The following CDH4 variants were observed in gnomAD, a reference collection of about 807,000 sequenced individuals.
CDH4 encodes the protein cadherin 4.
CDH4 carries 33 observed loss-of-function variants against 86.0 expected under a neutral mutation model. The observed-to-expected ratio is 0.38, with a 90% CI of 0.29 to 0.51. The LOEUF (loss-of-function observed/expected upper bound fraction) is 0.51. CDH4 is among the 20% of genes least tolerant of loss of function. The pLI, the probability that CDH4 is intolerant of heterozygous loss-of-function variation, is 0.86. For missense variants in CDH4, 1,114 were observed against 1,307.4 expected (o/e 0.85, Z 2.28); for synonymous variants, 555 against 549.4 (o/e 1.01, Z -0.14).
chr20:61,930,528 T>C (rs2055094220), intron 13 of CDH4, among the ~76,000 whole-genome samples: 1 of 152,062 alleles, frequency 6.6e-6, no homozygotes, highest in Non-Finnish European at 1.5e-5. Context: ...AGGGTTGGGC[T>C]ACCACCTCCC....
At chr20:61,423,223 C>T (rs2085190010) in intron 2 of CDH4, among the ~76,000 whole-genome samples, 1 of 152,144 alleles carries the variant, frequency 6.6e-6, no homozygotes, top group South Asian at 2.1e-4. Context: ...TCAGTGATGA[C>T]CTGCAAGTGA....
At chr20:61,451,557 C>T (rs896345746) in intron 2 of CDH4, among the ~76,000 whole-genome samples, 16 of 152,324 alleles carry the variant, frequency 1.1e-4, no homozygotes, top group African/African-American at 3.8e-4. Flanking sequence ...CCTCTTCTAC[C>T]TTCCAAGTAG....
chr20:61,695,127 C>T (rs2087702786), intron 2 of CDH4, among the ~76,000 whole-genome samples: 1 of 152,194 alleles, frequency 6.6e-6, no homozygotes, highest in Non-Finnish European at 1.5e-5. Flanking sequence ...GCTTTGAAGC[C>T]GTGCCTCCAG....
chr20:61,693,469 C>T (rs142163646), intron 2 of CDH4, among the ~76,000 whole-genome samples: 3 of 152,216 alleles, frequency 2.0e-5, no homozygotes, highest in Non-Finnish European at 2.9e-5. Context: ...CAGATGACCA[C>T]GTGTGGGCTT....
intron 2 of CDH4, among the ~76,000 whole-genome samples, chr20:61,358,548 C>T (rs2084766160): frequency 6.6e-6 from 1 of 152,208 alleles, no homozygotes; most frequent in Admixed American, 6.5e-5. Flanking sequence ...TAAATGAGGA[C>T]AATTTAAATA....
chr20:61,537,984 C>G (rs1600739018), intron 2 of CDH4, among the ~76,000 whole-genome samples: 1 of 152,326 alleles, frequency 6.6e-6, no homozygotes, highest in Non-Finnish European at 1.5e-5. Flanking sequence ...GGCCACATTG[C>G]TATGAAGACC....
chr20:61,860,388 G>A (rs1983266036), intron 6 of CDH4, among the ~76,000 whole-genome samples: 1 of 152,240 alleles, frequency 6.6e-6, no homozygotes, highest in African/African-American at 2.4e-5. Context: ...ATGCATATTT[G>A]TGAATGATCA....
At chr20:61,355,153 C>T (rs1479466113) in intron 2 of CDH4, among the ~76,000 whole-genome samples, 2 of 152,100 alleles carry the variant, frequency 1.3e-5, no homozygotes, top group Admixed American at 6.5e-5. Flanking sequence ...AGCAAAGACC[C>T]CTAAATCCTT....
At chr20:61,686,935 A>C (rs1600874179) in intron 2 of CDH4, among the ~76,000 whole-genome samples, 1 of 151,290 alleles carries the variant, frequency 6.6e-6, no homozygotes, top group African/African-American at 2.4e-5. Context: ...CTCCAAACCA[A>C]CCCCCGCCCC....
intron 2 of CDH4, among the ~76,000 whole-genome samples, chr20:61,675,823 G>A (rs1290176120): frequency 1.3e-5 from 2 of 151,636 alleles, no homozygotes; most frequent in Non-Finnish European, 2.9e-5. Context: ...AACAACCATC[G>A]CAGGGGCTGA....
chr20:61,618,797 G>T (rs2145770478), intron 2 of CDH4, among the ~76,000 whole-genome samples: 1 of 152,350 alleles, frequency 6.6e-6, no homozygotes, highest in Admixed American at 6.5e-5. Flanking sequence ...GAGGACTGAG[G>T]TTTCTATGGC....
intron 3 of CDH4, among the ~76,000 whole-genome samples, chr20:61,759,810 C>T (rs2088610710): frequency 6.6e-6 from 1 of 152,204 alleles, no homozygotes; most frequent in South Asian, 2.1e-4. Flanking sequence ...GTTGTCACCA[C>T]AGTGGGGTTG....
At chr20:61,363,025 T>C (rs2084792882) in intron 2 of CDH4, among the ~76,000 whole-genome samples, 1 of 152,206 alleles carries the variant, frequency 6.6e-6, no homozygotes, top group African/African-American at 2.4e-5. Context: ...CTCTGGACTC[T>C]GGGGTTCCCA....
chr20:61,795,826 CATGAGTGAATGAATGA>C (rs1555839795), intron 4 of CDH4, among the ~76,000 whole-genome samples: 3 of 30,698 alleles, frequency 9.8e-5, no homozygotes, highest in African/African-American at 3.9e-4. Flanking sequence ...AGCAATGTTG[CATGAGTGAATGAATGA>C]ATGAGTGAAT....
At chr20:61,721,560 A>G (rs1032125141) in intron 2 of CDH4, among the ~76,000 whole-genome samples, 2 of 152,234 alleles carry the variant, frequency 1.3e-5, no homozygotes, top group South Asian at 2.1e-4. Context: ...TTTCACTGCT[A>G]TCTTAAAAAA....
At chr20:61,890,629 A>G (rs1372845001) in intron 7 of CDH4, among the ~76,000 whole-genome samples, 1 of 152,148 alleles carries the variant, frequency 6.6e-6, no homozygotes, top group South Asian at 2.1e-4. Context: ...GGGGATGGGT[A>G]GACGGATGAG....
intron 2 of CDH4, among the ~76,000 whole-genome samples, chr20:61,321,848 T>C (rs1568796787): frequency 6.6e-6 from 1 of 152,196 alleles, no homozygotes; most frequent in Non-Finnish European, 1.5e-5. Flanking sequence ...GCTCACCTCA[T>C]GTTCCTTAGC....
chr20:61,774,215 C>T (rs2088812479), intron 4 of CDH4, among the ~76,000 whole-genome samples: 1 of 152,232 alleles, frequency 6.6e-6, no homozygotes, highest in South Asian at 2.1e-4. Flanking sequence ...GCTCAGCTTT[C>T]CTTGGCCACC....
At position 61,392,185 on chromosome 20, in the gene CDH4, C is replaced by T. The variant is rs535721665; in HGVS notation, c.169+137248C>T. Among the ~76,000 whole-genome samples, 118 of 151,706 alleles carry T rather than the reference C, an allele frequency of 7.8e-4. 1 individual carries two copies. Among genetic ancestry groups the T allele is most frequent in the African/African-American group, 2.7e-3 (113 of 41,370 alleles). ...ATGTGACACGGTCACAGGGACTCCTCCAGTGGTTTAACGTGCAGTGTGAGT... is the reference window on the plus strand; with the variant it reads ...ATGTGACACGGTCACAGGGACTCCTTCAGTGGTTTAACGTGCAGTGTGAGT... On this transcript the variant is annotated intron_variant, in intron 2 of 15. Transcript: ENST00000614565. This position sits in a 1 kb window ranked among gnomAD's most constrained non-coding sequence, Gnocchi z 5.7.
Sources: allele counts gnomAD v4.1 joint callset (sites outside exome capture counted in the v4.1 genomes callset), GRCh38; gene constraint gnomAD v4.1.1; non-coding constraint Gnocchi (gnomAD v3.1); transcripts MANE v1.5; gene names NCBI Gene and HGNC (gene_info 2026-07-23, HGNC 2026-07-21).